The following CYP11A1 variants were observed in gnomAD, a reference collection of about 807,000 sequenced individuals.
CYP11A1 encodes the protein cholesterol side-chain cleavage enzyme, mitochondrial.
Under a neutral mutation model 51.9 loss-of-function variants are expected in CYP11A1, and 25 were observed. That is an observed-to-expected ratio of 0.48 (90% CI 0.35 to 0.67). The LOEUF (loss-of-function observed/expected upper bound fraction) is 0.67. Among genes scored for constraint, CYP11A1 ranks in the 30% least tolerant of loss-of-function variants. The probability of loss-of-function intolerance (pLI) is 0.00; values close to 1 mark genes in which losing one functional copy is unlikely to be tolerated. For missense variants in CYP11A1, 578 were observed against 680.9 expected, an observed-to-expected ratio of 0.85 and a Z score of 1.68; for synonymous variants, 245 against 262.1, an observed-to-expected ratio of 0.93 and a Z score of 0.63.
chr15:74,343,247 G>C (rs1404996475), intron 4 of CYP11A1, 110 bp from the exon 5 acceptor site: 1 of 1,114,504 alleles, frequency 9.0e-7, no homozygotes. Flanking sequence ...CCGGAGCCCT[G>C]TGCTTCTTAG....
At chr15:74,354,942 A>AGAGGT (rs1193974876) in intron 1 of CYP11A1, among the ~76,000 whole-genome samples, 3 of 152,118 alleles carry the variant, frequency 2.0e-5, no homozygotes, top group African/African-American at 7.2e-5. Flanking sequence ...CCCACATTTC[A>AGAGGT]GAGGTGTTTG....
In CYP11A1 at chr15:74,351,478, C is replaced by T. The variant is rs562299888; in HGVS notation, c.270-3423G>A. ...CTAAGGACAAAAAAAGCCCACGCAG[C>T]ATCCAGTTCACATTACAGTTCATGG... On this transcript the variant is annotated intron_variant, in intron 1 of 8. Transcript: ENST00000268053. 2.0e-5 allele frequency among the ~76,000 whole-genome samples: 3 copies of T among 152,318 alleles called. No individual in the cohort carries two copies. In the South Asian group the frequency reaches 6.2e-4, roughly 32 times the overall value.
intron 5 of CYP11A1, among the ~76,000 whole-genome samples, chr15:74,342,245 G>A (rs1035784848): frequency 3.9e-5 from 6 of 152,152 alleles, no homozygotes; most frequent in African/African-American, 4.8e-5. Flanking sequence ...ACCAGGCCCA[G>A]CTAATTTTTT....
At chr15:74,358,245 A>G (rs937804410) in intron 1 of CYP11A1, among the ~76,000 whole-genome samples, 1 of 152,166 alleles carries the variant, frequency 6.6e-6, no homozygotes, top group African/African-American at 2.4e-5. Flanking sequence ...TAGCATTCCA[A>G]CTTCTATCCC....
At chr15:74,367,211 G>T in intron 1 of CYP11A1, 106 bp downstream of exon 1, 24 of 1,175,554 alleles carry the variant, frequency 2.0e-5, no homozygotes, top group African/African-American at 3.0e-5. Flanking sequence ...TTAGACAGGA[G>T]TTTGGAACCA....
At chr15:74,340,680 C>T (rs1182263497) in intron 5 of CYP11A1, among the ~76,000 whole-genome samples, 1 of 152,120 alleles carries the variant, frequency 6.6e-6, no homozygotes, top group Non-Finnish European at 1.5e-5. Flanking sequence ...GGTATGTTAC[C>T]ATCATCCCCC....
In CYP11A1 at chr15:74,338,027, T is replaced by G. The variant is rs867311927; in HGVS notation, c.1511A>C (p.Glu504Ala). 28 of 1,614,074 alleles carry G rather than the reference T, an allele frequency of 1.7e-5. No individual in the cohort carries two copies. The African/African-American group carries it at 2.8e-4, about 16-fold the overall frequency. ...GTTFNLILMP[E>A]KPISFTFWPF... ...CCAGAAGGTGAAGGAGATGGGCTTT[T>G]CAGGCATCAGAATGAGGTTGAATGT... Residue 504 changes from glutamate to alanine, a missense_variant, in exon 9 of 9, where the codon GAA (glutamate) becomes GCA (alanine). Physicochemically the swap from Glu to Ala is moderately radical, Grantham distance 107 (BLOSUM62 -1). Coordinates refer to ENST00000268053, the MANE Select transcript of CYP11A1 (RefSeq NM_000781.3).
intron 1 of CYP11A1, among the ~76,000 whole-genome samples, chr15:74,357,974 G>T (rs541602477): frequency 1.3e-5 from 2 of 152,138 alleles, no homozygotes; most frequent in Non-Finnish European, 2.9e-5. Context: ...CCTAACCCTT[G>T]CAAATGAATT....
In CYP11A1 at chr15:74,345,764, A is replaced by G. The variant is rs889510937; in HGVS notation, c.426-521T>C. On this transcript the variant is annotated intron_variant, in intron 2 of 8. Coordinates refer to ENST00000268053, the MANE Select transcript of CYP11A1 (RefSeq NM_000781.3). The surrounding 1 kb of genome is among the most constrained non-coding windows in gnomAD (Gnocchi z 4.3). ...AGGTGCCCCGAACTGGGTTGGTCATAATAAACCTTAATTCATGCACACTCT... is the reference window on the plus strand; with the variant it reads ...AGGTGCCCCGAACTGGGTTGGTCATGATAAACCTTAATTCATGCACACTCT... 3.9e-5 allele frequency among the ~76,000 whole-genome samples: 6 copies of G among 152,206 alleles called. No homozygotes were observed. The highest frequency in any genetic ancestry group is 1.4e-4 in the African/African-American group (6 of 41,442).
intron 5 of CYP11A1, among the ~76,000 whole-genome samples, chr15:74,340,437 C>G (rs564902358): frequency 1.2e-3 from 181 of 152,316 alleles, no homozygotes; most frequent in African/African-American, 4.2e-3. Context: ...GTTTGGGACT[C>G]CAGCCTGGAG....
rs151283580 is a variant in CYP11A1 at position 74,361,979 on chromosome 15, C to T, written c.269+5338G>A. 270 of 1,328,568 alleles carry T rather than the reference C, an allele frequency of 2.0e-4. 1 individual carries two copies. In the African/African-American group the frequency reaches 3.2e-3, roughly 16 times the overall value. 82.3% of individuals were successfully genotyped at this position (1,328,568 alleles called of 1,614,324 possible). A position where few individuals can be genotyped will look rare whatever the true frequency, so the allele number is the denominator to read the frequency against. On this transcript the variant is annotated intron_variant, in intron 1 of 8. Transcript: ENST00000268053. ...CATGAATATTGTGGAGGCCACGGAG[C>T]GCTTTGGGTCCAGGAATGGCAAGAC...
chr15:74,365,928 C>T lies in CYP11A1; in HGVS notation c.269+1389G>A, dbSNP rs1427472616. ...CGCCCCCGTAACACCTCAAAGCGCA[C>T]GGAGTCCGTGTTGGGGAACTTGGCG... is the stretch of plus-strand genomic sequence containing the variant. On this transcript the variant is annotated intron_variant, in intron 1 of 8. Transcript: ENST00000268053. 7.1e-6 allele frequency: 7 copies of T among 984,142 alleles called. No individual in the cohort carries two copies. The African/African-American group carries it at 1.0e-4, about 15-fold the overall frequency. 61.0% of individuals were successfully genotyped at this position (984,142 alleles called of 1,614,324 possible).
chr15:74,346,545 G>T (rs1166811515), intron 2 of CYP11A1, among the ~76,000 whole-genome samples: 1 of 151,932 alleles, frequency 6.6e-6, no homozygotes, highest in Non-Finnish European at 1.5e-5. Context: ...TAGCTTTCTG[G>T]TTTTTAATAT....
At chr15:74,346,338 G>A (rs972243317) in intron 2 of CYP11A1, among the ~76,000 whole-genome samples, 1 of 125,504 alleles carries the variant, frequency 8.0e-6, no homozygotes, top group Non-Finnish European at 1.6e-5. Flanking sequence ...GGGTGACAGA[G>A]CAAGACTCTG....
chr15:74,338,088 T>C lies in CYP11A1; in HGVS notation c.1450A>G (p.Arg484Gly). The C allele has an allele frequency of 6.2e-7, 1 of 1,614,180 alleles. No individual in the cohort carries two copies. The highest frequency in any genetic ancestry group is 1.3e-5 in the African/African-American group (1 of 75,040). ...TCGCTGAGGTGTTGGATTTCAACTC[T>C]GAAGTTCTCCAGCATCTGAGAAAGG... ...IFLINMLENF[R>G]VEIQHLSDVG... Residue 484 changes from arginine (R) to glycine (G), a missense_variant, in exon 9 of 9, where the codon AGA becomes GGA. Coordinates refer to ENST00000268053, the MANE Select transcript of CYP11A1 (RefSeq NM_000781.3).
chr15:74,341,520 T>C (rs1208730735), intron 5 of CYP11A1, among the ~76,000 whole-genome samples: 1 of 152,176 alleles, frequency 6.6e-6, no homozygotes, highest in African/African-American at 2.4e-5. Flanking sequence ...GACACGCACG[T>C]TGAATTTTAG....
At chr15:74,363,036 G>T (rs2060716267) in intron 1 of CYP11A1, 1 of 152,200 alleles carries the variant, frequency 6.6e-6, no homozygotes, top group Non-Finnish European at 1.5e-5. Context: ...ATGGTTTAAA[G>T]TAAAAGAAGC....
chr15:74,339,817 C>T, intron 5 of CYP11A1, 64 bp from the exon 6 acceptor site: 2 of 1,506,538 alleles, frequency 1.3e-6, no homozygotes, highest in Non-Finnish European at 1.8e-6. Flanking sequence ...CCTTGAGGTC[C>T]TTGACCCCAT....
intron 1 of CYP11A1, among the ~76,000 whole-genome samples, chr15:74,354,023 T>A (rs1000008386): frequency 4.6e-5 from 7 of 152,232 alleles, no homozygotes; most frequent in African/African-American, 7.2e-5. Context: ...TTAGTCATAT[T>A]TCTCTCACTC....
Sources: allele counts gnomAD v4.1 joint callset (sites outside exome capture counted in the v4.1 genomes callset), GRCh38; gene constraint gnomAD v4.1.1; non-coding constraint Gnocchi (gnomAD v3.1); transcripts MANE v1.5; gene names NCBI Gene and HGNC (gene_info 2026-07-23, HGNC 2026-07-21).